MARK4: variants seen among roughly 807,000 people sequenced by gnomAD.
MARK4 encodes the protein microtubule affinity regulating kinase 4, also known as MAP/microtubule affinity-regulating kinase 4.
A neutral mutation model predicts 81.5 loss-of-function variants in MARK4; 19 were observed. The observed-to-expected ratio is 0.23, with a 90% CI of 0.16 to 0.34. The LOEUF (loss-of-function observed/expected upper bound fraction) is 0.34. Among genes scored for constraint, MARK4 ranks in the 10% least tolerant of loss-of-function variants. The pLI, the probability that MARK4 is intolerant of heterozygous loss-of-function variation, is 1.00. For synonymous variants in MARK4, 436 were observed against 439.0 expected (o/e 0.99, Z 0.08); for missense variants, 772 against 1,058.8 (o/e 0.73, Z 3.76).
intron 12 of MARK4, among the ~76,000 whole-genome samples, chr19:45,281,980 T>A (rs1005962209): frequency 1.3e-5 from 2 of 151,874 alleles, no homozygotes; most frequent in African/African-American, 4.8e-5. Flanking sequence ...CTGTAATCCC[T>A]TGGGAGGCCG....
chr19:45,279,674 G>A (rs900901249), intron 10 of MARK4, among the ~76,000 whole-genome samples: 2 of 152,074 alleles, frequency 1.3e-5, no homozygotes, highest in Admixed American at 6.6e-5. Context: ...AATTTTGTAT[G>A]GTTTAACCTA....
intron 8 of MARK4, among the ~76,000 whole-genome samples, chr19:45,275,805 A>G (rs1423368923): frequency 6.6e-6 from 1 of 152,230 alleles, no homozygotes; most frequent in Non-Finnish European, 1.5e-5. Context: ...TGGATGTAAT[A>G]TGCATAAAGC....
chr19:45,251,539 A>ACC lies in MARK4; in HGVS notation c.-46_-45dup. ...GGAGGGGAAGAGAGGGGACCCTGGG[A>ACC]CCCCCGCCCCCCCCACCCGGCCGCC... On this transcript the variant is annotated 5_prime_UTR_variant, in exon 1 of 17. Transcript: ENST00000262891. The ACC allele has an allele frequency of 3.8e-6, 1 of 263,200 alleles. No individual in the cohort carries two copies. The highest frequency in any genetic ancestry group is 3.2e-5 in the South Asian group (1 of 31,382). The allele number at this position is 263,200 out of a possible 1,614,324, so 16.3% of individuals were successfully genotyped here. A position where few individuals can be genotyped will look rare whatever the true frequency, so the allele number is the denominator to read the frequency against.
intron 14 of MARK4, among the ~76,000 whole-genome samples, chr19:45,296,892 A>G (rs1407295482): frequency 6.6e-6 from 1 of 152,144 alleles, no homozygotes; most frequent in African/African-American, 2.4e-5. Context: ...TCTCCTGAAA[A>G]TACATAAACT....
chr19:45,262,862 T>C, intron 2 of MARK4: 1 of 452,962 alleles, frequency 2.2e-6, no homozygotes, highest in South Asian at 2.2e-5. Flanking sequence ...CCTCCCAGGC[T>C]CAAGCGATTC....
At chr19:45,270,220 A>G (rs1599785315) in intron 7 of MARK4, among the ~76,000 whole-genome samples, 1 of 152,094 alleles carries the variant, frequency 6.6e-6, no homozygotes, top group East Asian at 1.9e-4. Flanking sequence ...AGGTGTCGAG[A>G]TCACCCTCAG....
At chr19:45,285,757 G>A (rs954285270) in intron 12 of MARK4, among the ~76,000 whole-genome samples, 5 of 151,574 alleles carry the variant, frequency 3.3e-5, no homozygotes, top group African/African-American at 1.2e-4. Context: ...TGTCATTGTA[G>A]AGCTCTCAGC....
Position 45,302,767 on chromosome 19 carries a change from A to G in MARK4, c.*57A>G. ...TCTCCCTTGTCGCCTTCACTTCTACAGGAGGGGAAGGGGCCAGGGAGGGGA... is the reference window on the plus strand; with the variant it reads ...TCTCCCTTGTCGCCTTCACTTCTACGGGAGGGGAAGGGGCCAGGGAGGGGA... On this transcript the variant is annotated 3_prime_UTR_variant, in exon 17 of 17. Transcript: ENST00000262891. The surrounding 1 kb of genome is among the most constrained non-coding windows in gnomAD (Gnocchi z 4.9). 1 of 1,527,398 alleles carries G rather than the reference A, an allele frequency of 6.5e-7. No homozygotes were observed. Among genetic ancestry groups the G allele is most frequent in the Non-Finnish European group, 8.8e-7 (1 of 1,142,440 alleles). 94.6% of individuals were successfully genotyped at this position (1,527,398 alleles called of 1,614,324 possible). A position where few individuals can be genotyped will look rare whatever the true frequency, so the allele number is the denominator to read the frequency against.
chr19:45,263,956 G>A (rs10445572), intron 4 of MARK4, among the ~76,000 whole-genome samples: 78,005 of 151,864 alleles, frequency 0.51, 21,346 homozygotes, highest in Non-Finnish European at 0.62. Flanking sequence ...ACTTGGTCCA[G>A]TTATTTCCAC....
chr19:45,259,642 G>A (rs1970355408), intron 2 of MARK4, among the ~76,000 whole-genome samples: 1 of 152,090 alleles, frequency 6.6e-6, no homozygotes, highest in Non-Finnish European at 1.5e-5. Flanking sequence ...GGGTGCGGTG[G>A]TGTGTGCCTG....
At chr19:45,299,670 C>G in intron 15 of MARK4, 141 bp from the exon 16 acceptor site, 3 of 570,954 alleles carry the variant, frequency 5.3e-6, no homozygotes, top group South Asian at 7.7e-5. Context: ...ACAAGGAGAT[C>G]AAATCCTGAC....
chr19:45,277,433 ATTTT>A (rs35920861), intron 8 of MARK4, among the ~76,000 whole-genome samples: 1 of 131,868 alleles, frequency 7.6e-6, no homozygotes, highest in Non-Finnish European at 1.6e-5. Flanking sequence ...TGTAGCTTAA[ATTTT>A]TTTTTTTTTT....
At chr19:45,284,524 G>A (rs1249197535) in intron 12 of MARK4, among the ~76,000 whole-genome samples, 1 of 151,898 alleles carries the variant, frequency 6.6e-6, no homozygotes, top group Non-Finnish European at 1.5e-5. Context: ...GGGTTTCACT[G>A]TGTTAGCCAG....
Position 45,302,257 on chromosome 19 carries a change from A to G in MARK4, c.1923-117A>G. On this transcript the variant is annotated intron_variant, in intron 16 of 16. Coordinates refer to ENST00000262891, the MANE Select transcript of MARK4 (RefSeq NM_001199867.2). This position sits in a 1 kb window ranked among gnomAD's most constrained non-coding sequence, Gnocchi z 4.9. ...ACTGTCGCTGGGGTAACAGGGGAAG[A>G]TGTTTTTTGAGGGGATGGCTAGGAA... The G allele has an allele frequency of 6.4e-7, 1 of 1,558,186 alleles. No individual in the cohort carries two copies. Among genetic ancestry groups the G allele is most frequent in the Non-Finnish European group, 8.7e-7 (1 of 1,151,532 alleles).
In MARK4 at chr19:45,271,759, C is replaced by T. The variant is rs762488177; in HGVS notation, c.786+51C>T. The T allele has an allele frequency of 2.0e-6, 3 of 1,517,524 alleles. No individual in the cohort carries two copies. Among genetic ancestry groups the T allele is most frequent in the East Asian group, 2.3e-5 (1 of 44,352 alleles). The allele number at this position is 1,517,524 out of a possible 1,614,324, so 94.0% of individuals were successfully genotyped here. On this transcript the variant is annotated intron_variant, in intron 8 of 16. Transcript: ENST00000262891. This position sits in a 1 kb window ranked among gnomAD's most constrained non-coding sequence, Gnocchi z 4.1. ...GCATCAGCCCCTCCCCACAGTCAGG[C>T]CCCTATCCCCCCCACACCTCCCCTG... is the stretch of plus-strand genomic sequence containing the variant.
intron 2 of MARK4, 25 bp from the exon 3 acceptor site, chr19:45,263,088 C>G: frequency 1.9e-6 from 3 of 1,594,018 alleles, no homozygotes; most frequent in South Asian, 1.1e-5. Flanking sequence ...CCTTGACCGT[C>G]CCTCCTCCTT....
chr19:45,294,464 G>A lies in MARK4; in HGVS notation c.1598+12G>A. 1.2e-6 allele frequency: 2 copies of A among 1,611,388 alleles called. No homozygotes were observed. The highest frequency in any genetic ancestry group is 2.2e-5 in the East Asian group (1 of 44,856). On this transcript the variant is annotated intron_variant, in intron 14 of 16. Transcript: ENST00000262891. Reference sequence around the variant, plus strand: ...GGGAAAGAAAACAGGTACGGAGGGGGCAGCAACAGGGTGAGGGGTGGGAAG... The same window carrying A: ...GGGAAAGAAAACAGGTACGGAGGGGACAGCAACAGGGTGAGGGGTGGGAAG...
intron 14 of MARK4, among the ~76,000 whole-genome samples, chr19:45,296,186 G>A (rs1185029604): frequency 6.6e-6 from 1 of 151,958 alleles, no homozygotes; most frequent in Non-Finnish European, 1.5e-5. Context: ...TCAAGAGATA[G>A]TGGAACAGTT....
At position 45,278,596 on chromosome 19, in the gene MARK4, C is replaced by T. The variant is rs746435439; in HGVS notation, c.987C>T (p.Phe329=). 16 of 1,613,478 alleles carry T rather than the reference C, an allele frequency of 9.9e-6. No homozygotes were observed. Among genetic ancestry groups the T allele is most frequent in the South Asian group, 4.4e-5 (4 of 91,044 alleles). ...CATACACAGAGCCCGAGGAGGACTT[C>T]GGGGACACCAAGAGAATTGGTGAGG... ...LKPYTEPEED[F]GDTKRIEVMV... is the part of the protein sequence containing the mutation. The change falls in exon 10 of 17, where the codon TTC becomes TTT. Residue 329 remains phenylalanine, a synonymous_variant. Coordinates refer to ENST00000262891, the MANE Select transcript of MARK4 (RefSeq NM_001199867.2).
Sources: allele counts gnomAD v4.1 joint callset (sites outside exome capture counted in the v4.1 genomes callset), GRCh38; gene constraint gnomAD v4.1.1; non-coding constraint Gnocchi (gnomAD v3.1); transcripts MANE v1.5; gene names NCBI Gene and HGNC (gene_info 2026-07-23, HGNC 2026-07-21).